DPYD: variants seen among roughly 807,000 people sequenced by gnomAD.
DPYD encodes dihydropyrimidine dehydrogenase [NADP(+)].
A neutral mutation model predicts 116.2 loss-of-function variants in DPYD; 109 were observed. That is an observed-to-expected ratio of 0.94 (90% CI 0.80 to 1.10). DPYD has a LOEUF of 1.10. DPYD is among the 50% of genes least tolerant of loss of function. The probability of loss-of-function intolerance (pLI) is 0.00; values close to 1 mark genes in which losing one functional copy is unlikely to be tolerated. For missense variants in DPYD, 1,302 were observed against 1,254.5 expected (o/e 1.04, Z -0.57); for synonymous variants, 440 against 432.0 (o/e 1.02, Z -0.23).
intron 18 of DPYD, among the ~76,000 whole-genome samples, chr1:97,299,623 A>G (rs558716736): frequency 6.6e-6 from 1 of 152,224 alleles, no homozygotes; most frequent in Non-Finnish European, 1.5e-5. Context: ...GTAAGCATCT[A>G]TGAATATGGC....
intron 8 of DPYD, among the ~76,000 whole-genome samples, chr1:97,639,079 C>A (rs1373256353): frequency 6.6e-6 from 1 of 152,112 alleles, no homozygotes; most frequent in Non-Finnish European, 1.5e-5. Flanking sequence ...GGCAAATCTT[C>A]TTTGTAGGCA....
chr1:97,195,689 T>TAC (rs1658754909), intron 19 of DPYD, among the ~76,000 whole-genome samples: 1 of 105,564 alleles, frequency 9.5e-6, no homozygotes, highest in African/African-American at 3.9e-5. Flanking sequence ...TATATATATA[T>TAC]GCCTAGGAGT....
chr1:97,382,475 A>C lies in DPYD; in HGVS notation c.1906-14T>G. On this transcript the variant is annotated splice_polypyrimidine_tract_variant and intron_variant, in intron 14 of 22. Coordinates refer to ENST00000370192, the MANE Select transcript of DPYD (RefSeq NM_000110.4). Reference sequence around the variant, plus strand: ...AGCAATCACAATCTTTAAAAAGAAAAACAAAAGAATATAAGTTCAAGTAGT... The same window carrying C: ...AGCAATCACAATCTTTAAAAAGAAACACAAAAGAATATAAGTTCAAGTAGT... The C allele has an allele frequency of 6.5e-7, 1 of 1,548,654 alleles. No individual in the cohort carries two copies. The highest frequency in any genetic ancestry group is 1.2e-5 in the South Asian group (1 of 80,942).
At chr1:97,301,450 A>G (rs1666857801) in intron 18 of DPYD, among the ~76,000 whole-genome samples, 1 of 152,004 alleles carries the variant, frequency 6.6e-6, no homozygotes, top group Non-Finnish European at 1.5e-5. Context: ...TGGGAAGTAA[A>G]TTATATTGAG....
chr1:97,775,363 G>A (rs1666340372), intron 3 of DPYD, among the ~76,000 whole-genome samples: 1 of 152,056 alleles, frequency 6.6e-6, no homozygotes, highest in African/African-American at 2.4e-5. Context: ...AATAGGTGAA[G>A]CCACCTAAAT....
chr1:97,839,616 G>A (rs1669945974), intron 2 of DPYD, among the ~76,000 whole-genome samples: 2 of 152,116 alleles, frequency 1.3e-5, no homozygotes. Context: ...TTTTCTTAAT[G>A]ATGGAATCAT....
intron 14 of DPYD, among the ~76,000 whole-genome samples, chr1:97,439,189 C>T (rs1675622449): frequency 1.3e-5 from 2 of 151,918 alleles, no homozygotes; most frequent in African/African-American, 2.4e-5. Context: ...ATGAACTATG[C>T]TACTTTCAAA....
At chr1:97,661,927 C>G (rs371486555) in intron 8 of DPYD, among the ~76,000 whole-genome samples, 1 of 149,350 alleles carries the variant, frequency 6.7e-6, no homozygotes, top group East Asian at 2.0e-4. Flanking sequence ...CACATAATAT[C>G]AAGTTTTATT....
chr1:97,527,467 G>C (rs1649232505), intron 12 of DPYD, among the ~76,000 whole-genome samples: 1 of 152,100 alleles, frequency 6.6e-6, no homozygotes, highest in South Asian at 2.1e-4. Context: ...ATGATGGTTT[G>C]ATTGAACACA....
At chr1:97,449,435 G>C (rs2101788908) in intron 14 of DPYD, among the ~76,000 whole-genome samples, 1 of 152,136 alleles carries the variant, frequency 6.6e-6, no homozygotes, top group Admixed American at 6.5e-5. Context: ...GGAAGTGGGA[G>C]AGGGAGGTGG....
chr1:97,429,331 G>T (rs528579048), intron 14 of DPYD, among the ~76,000 whole-genome samples: 1 of 151,974 alleles, frequency 6.6e-6, no homozygotes, highest in African/African-American at 2.4e-5. Context: ...ACCTAAAAAA[G>T]TGGTATGCTT....
chr1:97,704,658 TAA>T (rs1259633635), intron 5 of DPYD, among the ~76,000 whole-genome samples: 1 of 152,018 alleles, frequency 6.6e-6, no homozygotes, highest in Non-Finnish European at 1.5e-5. Context: ...ATCAAATTCC[TAA>T]GAGATTTTTT....
intron 20 of DPYD, among the ~76,000 whole-genome samples, chr1:97,140,257 G>A (rs953228765): frequency 3.3e-5 from 5 of 152,104 alleles, no homozygotes; most frequent in Admixed American, 1.3e-4. Flanking sequence ...AGTAGGGCCA[G>A]TAGAGGTGTT....
intron 18 of DPYD, among the ~76,000 whole-genome samples, chr1:97,279,063 A>T (rs1665135205): frequency 6.6e-6 from 1 of 152,078 alleles, no homozygotes; most frequent in Admixed American, 6.6e-5. Context: ...TTGTTCCATG[A>T]GTATATTGCA....
At chr1:97,920,712 G>A (rs1485717646) in intron 1 of DPYD, among the ~76,000 whole-genome samples, 172 bp downstream of exon 1, 1 of 152,150 alleles carries the variant, frequency 6.6e-6, no homozygotes, top group Non-Finnish European at 1.5e-5. Context: ...GCCTGCCCAC[G>A]CGGGCCTGTG....
chr1:97,724,665 G>A (rs931806331), intron 4 of DPYD, among the ~76,000 whole-genome samples: 10 of 151,328 alleles, frequency 6.6e-5, no homozygotes, highest in African/African-American at 2.2e-4. Flanking sequence ...ACACTTGGGA[G>A]GGCTATCTGC....
intron 8 of DPYD, among the ~76,000 whole-genome samples, chr1:97,631,163 A>C (rs1657235602): frequency 6.6e-6 from 1 of 152,042 alleles, no homozygotes; most frequent in East Asian, 1.9e-4. Context: ...TCATTGTCTG[A>C]GCTGCCCCAG....
chr1:97,694,882 C>T (rs924480058), intron 6 of DPYD, among the ~76,000 whole-genome samples: 1 of 152,164 alleles, frequency 6.6e-6, no homozygotes, highest in Non-Finnish European at 1.5e-5. Context: ...AAATTCTAAA[C>T]AATAGCCATA....
At chr1:97,290,595 C>T (rs1666075100) in intron 18 of DPYD, among the ~76,000 whole-genome samples, 1 of 152,114 alleles carries the variant, frequency 6.6e-6, no homozygotes, top group Non-Finnish European at 1.5e-5. Context: ...AAAGGATTCC[C>T]TATTTAATAA....
Sources: gnomAD v4.1 joint callset for allele counts (sites outside exome capture counted in the v4.1 genomes callset) on GRCh38, gnomAD v4.1.1 for gene constraint, MANE v1.5 for transcripts, NCBI Gene and HGNC (gene_info 2026-07-23, HGNC 2026-07-21) for gene names.